Variants in BRCA2 observed in about 807,000 individuals in gnomAD.
The protein encoded by BRCA2 is breast cancer type 2 susceptibility protein.
BRCA2 carries 203 observed loss-of-function variants against 276.7 expected under a neutral mutation model. The observed-to-expected ratio is 0.73, with a 90% CI of 0.65 to 0.82. BRCA2 has a LOEUF of 0.82. BRCA2 is among the 40% of genes least tolerant of loss of function. The probability of loss-of-function intolerance (pLI) is 0.00; values close to 1 mark genes in which losing one functional copy is unlikely to be tolerated. For synonymous variants in BRCA2, 1,289 were observed against 1,338.4 expected (o/e 0.96, Z 0.81); for missense variants, 3,920 against 3,915.0 (o/e 1.00, Z -0.03).
intron 21 of BRCA2, among the ~76,000 whole-genome samples, chr13:32,378,873 C>T (rs2072891713): frequency 6.6e-6 from 1 of 152,166 alleles, no homozygotes; most frequent in African/African-American, 2.4e-5. Flanking sequence ...AATGAGGGTT[C>T]TAGGGCCAAC....
chr13:32,398,793 A>G lies in BRCA2; in HGVS notation c.*23A>G. ...TAAGCATTTGCAAAGGCGACAATAAATTATTGACGCTTAACCTTTCCAGTT... is the reference window on the plus strand; with the variant it reads ...TAAGCATTTGCAAAGGCGACAATAAGTTATTGACGCTTAACCTTTCCAGTT... On this transcript the variant is annotated 3_prime_UTR_variant, in exon 27 of 27. Coordinates refer to ENST00000380152, the MANE Select transcript of BRCA2 (RefSeq NM_000059.4). 6.2e-7 allele frequency: 1 copy of G among 1,611,714 alleles called. No individual in the cohort carries two copies. Among genetic ancestry groups the G allele is most frequent in the Non-Finnish European group, 8.5e-7 (1 of 1,179,156 alleles).
At chr13:32,359,324 T>G (rs754147633) in intron 16 of BRCA2, among the ~76,000 whole-genome samples, 10 of 152,064 alleles carry the variant, frequency 6.6e-5, no homozygotes, top group Non-Finnish European at 1.3e-4. Flanking sequence ...ATTATATATT[T>G]TAATGGATAC....
intron 24 of BRCA2, among the ~76,000 whole-genome samples, chr13:32,391,461 C>G (rs939749724): frequency 3.9e-5 from 6 of 152,174 alleles, no homozygotes; most frequent in Admixed American, 2.6e-4. Context: ...CAATGCCTTT[C>G]GACAGAGGGC....
rs397507803 is a variant in BRCA2 at position 32,340,107 on chromosome 13, CAT to C, written c.5754_5755del (p.His1918GlnfsTer5). On this transcript the variant is annotated frameshift_variant, in exon 11 of 27. Coordinates refer to ENST00000380152, the MANE Select transcript of BRCA2 (RefSeq NM_000059.4). LOFTEE classifies it high-confidence loss of function. ...TAATGATGAATGTAGCACGCATTCA[CAT>C]AAGGTTTTTGCTGACATTCAGAGTG... ...LDNDECSTHS[H>X]KVFADIQSEE... The C allele has an allele frequency of 3.1e-6, 5 of 1,613,618 alleles. No homozygotes were observed. The highest frequency in any genetic ancestry group is 1.1e-5 in the South Asian group (1 of 91,040).
At chr13:32,379,198 A>G (rs1011335603) in intron 21 of BRCA2, 119 bp from the exon 22 acceptor site, 4 of 898,280 alleles carry the variant, frequency 4.5e-6, no homozygotes, top group Non-Finnish European at 7.0e-6. Context: ...TACATTAACC[A>G]CACCCTTAAG....
At position 32,396,462 on chromosome 13, in the gene BRCA2, A is replaced by G. The variant is rs11147494; in HGVS notation, c.9502-436A>G. Among the ~76,000 whole-genome samples the G allele has an allele frequency of 0.04, 6,136 of 152,312 alleles. 209 individuals carry two copies. The highest frequency in any genetic ancestry group is 0.11 in the South Asian group (554 of 4,828). ...GTAGTTTAACCTATAAATCATTTCA[A>G]TTAATTCTTGGAACAGACGTGAGGT... On this transcript the variant is annotated intron_variant, in intron 25 of 26. Transcript: ENST00000380152.
chr13:32,360,396 A>G (rs956365572), intron 16 of BRCA2, among the ~76,000 whole-genome samples: 2 of 152,102 alleles, frequency 1.3e-5, no homozygotes, highest in Non-Finnish European at 2.9e-5. Flanking sequence ...GTCTCACTCT[A>G]TTGCTCAGGC....
intron 3 of BRCA2, among the ~76,000 whole-genome samples, chr13:32,324,225 C>A (rs1406885922): frequency 6.6e-6 from 1 of 152,112 alleles, no homozygotes; most frequent in Non-Finnish European, 1.5e-5. Context: ...TTAATCTTAC[C>A]TTAGGGATCA....
At chr13:32,331,069 T>G (rs2072388395) in intron 9 of BRCA2, 39 bp downstream of exon 9, 7 of 1,476,274 alleles carry the variant, frequency 4.7e-6, no homozygotes, top group Non-Finnish European at 6.6e-6. Context: ...GTTTTTTTGT[T>G]GTTGTTGTTT....
intron 24 of BRCA2, among the ~76,000 whole-genome samples, chr13:32,392,408 A>C (rs989229780): frequency 6.6e-6 from 1 of 152,104 alleles, no homozygotes; most frequent in African/African-American, 2.4e-5. Context: ...ACTCTTGGCT[A>C]GGCACAGTGG....
Position 32,337,012 on chromosome 13 carries a change from A to T in BRCA2, c.2657A>T (p.Asn886Ile), listed in dbSNP as rs80358526. ...GACTCTGAAGAACTTTTCTCAGACA[A>T]TGAGAATAATTTTGTCTTCCAAGTA... is the stretch of plus-strand genomic sequence containing the variant. ...NPDSEELFSD[N>I]ENNFVFQVAN... Residue 886 changes from asparagine (N) to isoleucine (I), a missense_variant, in exon 11 of 27, where the codon AAT becomes ATT. This residue lies in a region of BRCA2 where 3,263 missense variants were observed against 3,156.9 expected (regional missense o/e 1.03). Transcript: ENST00000380152. 2.5e-6 allele frequency: 4 copies of T among 1,590,422 alleles called. No homozygotes were observed. The African/African-American group carries it at 5.4e-5, about 22-fold the overall frequency.
At chr13:32,346,772 AT>A in intron 12 of BRCA2, 54 bp from the exon 13 acceptor site, 1 of 1,435,244 alleles carries the variant, frequency 7.0e-7, no homozygotes, top group Non-Finnish European at 9.6e-7. Flanking sequence ...TTACAGTAAC[AT>A]GGATATTCTC....
chr13:32,390,666 C>G (rs531401433), intron 24 of BRCA2, among the ~76,000 whole-genome samples: 1 of 152,184 alleles, frequency 6.6e-6, no homozygotes. Context: ...CTTCCTCCAG[C>G]TTTTGAAGCA....
chr13:32,387,065 G>C (rs1381270921), intron 24 of BRCA2, among the ~76,000 whole-genome samples: 1 of 152,076 alleles, frequency 6.6e-6, no homozygotes, highest in East Asian at 1.9e-4. Context: ...TCATTGTAAG[G>C]TGGTGGTCTC....
rs876659256 is a variant in BRCA2, at chr13:32,339,960, A to G, written c.5605A>G (p.Ser1869Gly). 1.9e-6 allele frequency: 3 copies of G among 1,609,686 alleles called. No individual in the cohort carries two copies. The highest frequency in any genetic ancestry group is 2.5e-6 in the Non-Finnish European group (3 of 1,178,376). Reference protein sequence around the residue: ...IKKVKDIFTDSFSKVIKENNE... With the variant: ...IKKVKDIFTDGFSKVIKENNE... Reference sequence around the variant, plus strand: ...AAAAGTGAAAGACATATTTACAGACAGTTTCAGTAAAGTAATTAAGGAAAA... The same window carrying G: ...AAAAGTGAAAGACATATTTACAGACGGTTTCAGTAAAGTAATTAAGGAAAA... Residue 1869 changes from serine (S) to glycine (G), a missense_variant, in exon 11 of 27, where the codon AGT becomes GGT. Ser to Gly is a moderately conservative substitution (Grantham distance 56, BLOSUM62 0). Around this residue, in one of 2 missense-constraint regions of BRCA2, gnomAD observed 3,263 missense variants for 3,156.9 expected, o/e 1.03. Coordinates refer to ENST00000380152, the MANE Select transcript of BRCA2 (RefSeq NM_000059.4).
intron 18 of BRCA2, among the ~76,000 whole-genome samples, chr13:32,364,016 G>C (rs969347304): frequency 2.0e-5 from 3 of 152,112 alleles, no homozygotes; most frequent in African/African-American, 7.2e-5. Flanking sequence ...TCACTTAAGA[G>C]GTAACCTTGC....
chr13:32,342,496 T>G (rs1428823149), intron 11 of BRCA2, among the ~76,000 whole-genome samples: 1 of 152,138 alleles, frequency 6.6e-6, no homozygotes, highest in Non-Finnish European at 1.5e-5. Context: ...ACTACAGTCA[T>G]GTGTCATTTG....
rs745758977 is a variant in BRCA2, at chr13:32,380,087, G to A, written c.9198G>A (p.Gln3066=). Residue 3066 remains glutamine (Q), a synonymous_variant, in exon 24 of 27, where the codon CAG becomes CAA. Coordinates refer to ENST00000380152, the MANE Select transcript of BRCA2 (RefSeq NM_000059.4). ...GCAAATTTTTAGATCCAGACTTTCA[G>A]CCATCTTGTTCTGAGGTGGACCTAA... ...HFSKFLDPDF[Q]PSCSEVDLIG... is the part of the protein sequence containing the mutation. The A allele has an allele frequency of 6.2e-7, 1 of 1,614,022 alleles. No individual in the cohort carries two copies. The highest frequency in any genetic ancestry group is 1.3e-5 in the African/African-American group (1 of 75,018).
In BRCA2 at chr13:32,319,336, C is replaced by T. The variant is rs1259689724; in HGVS notation, c.316+11C>T. The stretch of plus-strand genomic sequence containing the variant: ...TCAAATTAGACTTAGGTAAGTAATG[C>T]AATATGGTAGACTGGGGAGAACTAC... On this transcript the variant is annotated intron_variant, in intron 3 of 26. Coordinates refer to ENST00000380152, the MANE Select transcript of BRCA2 (RefSeq NM_000059.4). The T allele has an allele frequency of 6.2e-7, 1 of 1,605,564 alleles. No individual in the cohort carries two copies. The highest frequency in any genetic ancestry group is 8.5e-7 in the Non-Finnish European group (1 of 1,172,626).
Sources: allele counts gnomAD v4.1 joint callset (sites outside exome capture counted in the v4.1 genomes callset), GRCh38; gene constraint gnomAD v4.1.1; regional missense constraint gnomAD v4.1.1; transcripts MANE v1.5; gene names NCBI Gene and HGNC (gene_info 2026-07-23, HGNC 2026-07-21).